The following DLG2 variants were observed in gnomAD, a reference collection of about 807,000 sequenced individuals.
DLG2 encodes disks large homolog 2.
Under a neutral mutation model 132.5 loss-of-function variants are expected in DLG2, and 45 were observed. The ratio of observed to expected loss-of-function variants is 0.34; its 90% CI spans 0.27 to 0.44. DLG2 has a LOEUF of 0.44. DLG2 is among the 20% of genes least tolerant of loss of function. The probability of loss-of-function intolerance (pLI) is 1.00; values close to 1 mark genes in which losing one functional copy is unlikely to be tolerated. For synonymous variants in DLG2, 424 were observed against 419.6 expected (o/e 1.01, Z -0.13); for missense variants, 1,045 against 1,196.9 (o/e 0.87, Z 1.87).
At chr11:84,745,921 T>A (rs1311168109) in intron 6 of DLG2, among the ~76,000 whole-genome samples, 1 of 152,218 alleles carries the variant, frequency 6.6e-6, no homozygotes, top group East Asian at 1.9e-4. Context: ...TATTTAGCCC[T>A]TAGCTATCTG....
chr11:85,484,226 G>A lies in DLG2; in HGVS notation c.40+114431C>T, dbSNP rs1040372560. Among the ~76,000 whole-genome samples, 28 of 14,212 alleles carry A rather than the reference G, an allele frequency of 2.0e-3. No individual in the cohort carries two copies. The Admixed American group carries it at 0.022, about 11-fold the overall frequency. The allele number at this position is 14,212 out of a possible 152,430, so 9.3% of individuals were successfully genotyped here. ...CCCGTTCCTCCCGACCCCTCCACCC[G>A]CCCTCCCTCTCCCACCGCCCCTCCT... On this transcript the variant is annotated intron_variant, in intron 3 of 27. Coordinates refer to ENST00000376104, the MANE Select transcript of DLG2 (RefSeq NM_001142699.3).
At chr11:84,704,279 G>A (rs1193401535) in intron 6 of DLG2, among the ~76,000 whole-genome samples, 2 of 151,572 alleles carry the variant, frequency 1.3e-5, no homozygotes, top group South Asian at 2.1e-4. Context: ...ATTATAAGGA[G>A]TCTAAATCTG....
At chr11:85,537,450 T>C (rs1009997597) in intron 3 of DLG2, among the ~76,000 whole-genome samples, 2 of 152,130 alleles carry the variant, frequency 1.3e-5, no homozygotes, top group Non-Finnish European at 2.9e-5. Context: ...GCAGGTTCAC[T>C]CCTGAAGCCA....
chr11:85,093,969 C>A (rs2069287446), intron 6 of DLG2, among the ~76,000 whole-genome samples: 1 of 152,194 alleles, frequency 6.6e-6, no homozygotes, highest in Non-Finnish European at 1.5e-5. Context: ...AATAATAGTT[C>A]TGCCACCATG....
intron 3 of DLG2, among the ~76,000 whole-genome samples, chr11:85,373,720 C>G (rs1262286620): frequency 6.6e-6 from 1 of 151,992 alleles, no homozygotes; most frequent in Non-Finnish European, 1.5e-5. Context: ...CCCTTTTTTC[C>G]CTTTTCATGC....
intron 4 of DLG2, among the ~76,000 whole-genome samples, chr11:85,183,444 C>T (rs1421113979): frequency 6.6e-6 from 1 of 151,848 alleles, no homozygotes; most frequent in African/African-American, 2.4e-5. Flanking sequence ...TACTTTGCTA[C>T]ACATGAATGG....
At chr11:83,822,404 GTCATTTA>G (rs1454439549) in intron 17 of DLG2, among the ~76,000 whole-genome samples, 2 of 152,114 alleles carry the variant, frequency 1.3e-5, no homozygotes, top group Non-Finnish European at 2.9e-5. Flanking sequence ...ATCCCCGATG[GTCATTTA>G]TCATTTATCT....
At chr11:84,213,833 A>G (rs2096792038) in intron 8 of DLG2, among the ~76,000 whole-genome samples, 1 of 149,300 alleles carries the variant, frequency 6.7e-6, no homozygotes, top group African/African-American at 2.5e-5. Flanking sequence ...AAAAAAAAAA[A>G]AAAGAAAAAA....
At chr11:84,259,228 T>A (rs1040628976) in intron 7 of DLG2, among the ~76,000 whole-genome samples, 23 of 146,262 alleles carry the variant, frequency 1.6e-4, no homozygotes, top group African/African-American at 5.9e-4. Flanking sequence ...GCTGAGACTG[T>A]GCCACTGTAC....
intron 2 of DLG2, among the ~76,000 whole-genome samples, chr11:85,611,477 G>A (rs558068768): frequency 7.2e-5 from 11 of 152,160 alleles, no homozygotes; most frequent in South Asian, 2.1e-4. Flanking sequence ...AACTTATGCC[G>A]CCCGAGATGA....
intron 15 of DLG2, among the ~76,000 whole-genome samples, chr11:83,921,978 A>G: frequency 6.6e-6 from 1 of 152,118 alleles, no homozygotes; most frequent in Non-Finnish European, 1.5e-5. Flanking sequence ...ATCTCAAGGT[A>G]TTTGACCCTC....
At position 84,827,771 on chromosome 11, in the gene DLG2, G is replaced by A. The variant is rs559502906; in HGVS notation, c.357+283890C>T. On this transcript the variant is annotated intron_variant, in intron 6 of 27. Coordinates refer to ENST00000376104, the MANE Select transcript of DLG2 (RefSeq NM_001142699.3). ...AGCCATTTTTTTCTATTCACTGGTG[G>A]TCATAAAAAAAAATTCCATCATTTC... Among the ~76,000 whole-genome samples, 123 of 149,012 alleles carry A rather than the reference G, an allele frequency of 8.3e-4. 1 individual carries two copies. Among genetic ancestry groups the A allele is most frequent in the African/African-American group, 2.8e-3 (115 of 40,432 alleles).
intron 3 of DLG2, among the ~76,000 whole-genome samples, chr11:85,322,546 T>C (rs2081149285): frequency 6.6e-6 from 1 of 152,146 alleles, no homozygotes; most frequent in South Asian, 2.1e-4. Context: ...GTTCTCTCAT[T>C]TTCCACAATG....
In DLG2 at chr11:83,867,802, T is replaced by G. The variant is rs192807286; in HGVS notation, c.1565+6618A>C. 3.4e-3 allele frequency among the ~76,000 whole-genome samples: 516 copies of G among 152,330 alleles called. 3 individuals are homozygous for G. The highest frequency in any genetic ancestry group is 5.6e-3 in the Non-Finnish European group (378 of 68,018). On this transcript the variant is annotated intron_variant, in intron 16 of 27. Coordinates refer to ENST00000376104, the MANE Select transcript of DLG2 (RefSeq NM_001142699.3). ...CCCATGTCTTCATAGCCCTTAAATA[T>G]TTCCTAGCTCTCCATAGTCTCAGCA...
intron 3 of DLG2, among the ~76,000 whole-genome samples, chr11:85,296,389 T>A (rs1402759842): frequency 6.6e-6 from 1 of 151,540 alleles, no homozygotes; most frequent in Non-Finnish European, 1.5e-5. Flanking sequence ...ACAACATCCC[T>A]CTCATCTCCT....
At chr11:84,802,840 A>G (rs118048952) in intron 6 of DLG2, among the ~76,000 whole-genome samples, 11,123 of 152,022 alleles carry the variant, frequency 0.073, 513 homozygotes, top group Non-Finnish European at 0.11. Flanking sequence ...TAGCTGTGTC[A>G]CCAGGCTGGA....
At chr11:84,278,506 C>T (rs1287255549) in intron 7 of DLG2, among the ~76,000 whole-genome samples, 1 of 151,514 alleles carries the variant, frequency 6.6e-6, no homozygotes, top group African/African-American at 2.4e-5. Context: ...TACCCTAATC[C>T]CAAACCAGAT....
chr11:84,106,454 T>A (rs2047019361), intron 9 of DLG2, among the ~76,000 whole-genome samples: 1 of 152,188 alleles, frequency 6.6e-6, no homozygotes, highest in South Asian at 2.1e-4. Flanking sequence ...TTTCCTCAAA[T>A]TTTTTATTTA....
chr11:84,852,025 C>T (rs895821676), intron 6 of DLG2, among the ~76,000 whole-genome samples: 6 of 151,888 alleles, frequency 4.0e-5, no homozygotes, highest in South Asian at 4.2e-4. Context: ...TTTAATGAAC[C>T]GATTTGACAG....
Sources: gnomAD v4.1 joint callset for allele counts (sites outside exome capture counted in the v4.1 genomes callset) on GRCh38, gnomAD v4.1.1 for gene constraint, MANE v1.5 for transcripts, NCBI Gene and HGNC (gene_info 2026-07-23, HGNC 2026-07-21) for gene names.